The following PANX1 variants were observed in gnomAD, a reference collection of about 807,000 sequenced individuals.
PANX1 encodes the protein pannexin 1.
A neutral mutation model predicts 38.7 loss-of-function variants in PANX1; 30 were observed. The observed-to-expected ratio is 0.78, with a 90% confidence interval of 0.58 to 1.05. The LOEUF is 1.05. Ranked by LOEUF, PANX1 falls within the 50% of genes least tolerant of loss-of-function variation. The probability of loss-of-function intolerance (pLI) is 0.00; values close to 1 mark genes in which losing one functional copy is unlikely to be tolerated. For synonymous variants in PANX1, 230 were observed against 212.2 expected (o/e 1.08, Z -0.73); for missense variants, 551 against 517.2 (o/e 1.07, Z -0.63).
chr11:94,162,840 C>G (rs1341185201), intron 2 of PANX1, among the ~76,000 whole-genome samples: 1 of 150,280 alleles, frequency 6.7e-6, no homozygotes, highest in Non-Finnish European at 1.5e-5. Flanking sequence ...GGAGCTGTTC[C>G]TATTCGGCCA....
intron 2 of PANX1, among the ~76,000 whole-genome samples, chr11:94,164,020 C>T (rs756462103): frequency 1.3e-5 from 2 of 151,752 alleles, no homozygotes; most frequent in East Asian, 1.9e-4. Flanking sequence ...ATTGGCATAT[C>T]GTTGCTCATA....
intron 1 of PANX1, among the ~76,000 whole-genome samples, chr11:94,147,684 G>A (rs1591510664): frequency 6.6e-6 from 1 of 152,240 alleles, no homozygotes; most frequent in Non-Finnish European, 1.5e-5. Flanking sequence ...CCCTTCTGAG[G>A]CCCAGCAATG....
intron 2 of PANX1, among the ~76,000 whole-genome samples, chr11:94,164,718 A>AGCC (rs1008189401): frequency 6.6e-6 from 1 of 152,210 alleles, no homozygotes; most frequent in Non-Finnish European, 1.5e-5. Flanking sequence ...GTGTAGCTTG[A>AGCC]GCCTGATATT....
chr11:94,150,054 TG>T (rs60603089), intron 1 of PANX1, among the ~76,000 whole-genome samples: 58,686 of 151,878 alleles, frequency 0.39, 11,852 homozygotes, highest in African/African-American at 0.49. Context: ...GGGAAGTCAG[TG>T]GGGGAGGAAG....
chr11:94,131,844 T>G (rs1206635450), intron 1 of PANX1, among the ~76,000 whole-genome samples: 1 of 152,064 alleles, frequency 6.6e-6, no homozygotes, highest in African/African-American at 2.4e-5. Context: ...TAGTATGCAC[T>G]CAGCCAAAAA....
At chr11:94,151,972 C>G (rs1946887062) in intron 1 of PANX1, among the ~76,000 whole-genome samples, 1 of 152,172 alleles carries the variant, frequency 6.6e-6, no homozygotes, top group Admixed American at 6.5e-5. Flanking sequence ...AATATACTCT[C>G]CTGAAAACAT....
At chr11:94,158,355 T>G (rs1403145122) in intron 2 of PANX1, among the ~76,000 whole-genome samples, 3 of 152,100 alleles carry the variant, frequency 2.0e-5, no homozygotes, top group Non-Finnish European at 4.4e-5. Context: ...GCCATTTTCA[T>G]GATATTGATT....
chr11:94,178,764 C>T (rs1031287956), intron 3 of PANX1, among the ~76,000 whole-genome samples, 172 bp downstream of exon 3: 2 of 152,098 alleles, frequency 1.3e-5, no homozygotes, highest in Non-Finnish European at 2.9e-5. Flanking sequence ...TCCACTCTCC[C>T]CAAATCTCAC....
chr11:94,180,255 A>C lies in PANX1; in HGVS notation c.1199A>C (p.Gln400Pro). 1 of 1,596,648 alleles carries C rather than the reference A, an allele frequency of 6.3e-7. No homozygotes were observed. The highest frequency in any genetic ancestry group is 8.6e-7 in the Non-Finnish European group (1 of 1,168,614). Residue 400 changes from glutamine to proline, a missense_variant and splice_region_variant, in exon 4 of 5, where the codon CAA becomes CCA. By Grantham distance (76) the Gln-to-Pro change is moderately conservative. Transcript: ENST00000227638. ...CAGGGGAACCAGACGGCAGAGCTCCAAGGTAGGGTTTGCTTTTGGCAGAGG... is the reference window on the plus strand; with the variant it reads ...CAGGGGAACCAGACGGCAGAGCTCCCAGGTAGGGTTTGCTTTTGGCAGAGG... Reference protein sequence around the residue: ...EEQGNQTAELQGMNIDSETKA... With the variant: ...EEQGNQTAELPGMNIDSETKA...
intron 2 of PANX1, among the ~76,000 whole-genome samples, chr11:94,174,883 T>C (rs765232849): frequency 6.6e-6 from 1 of 151,770 alleles, no homozygotes; most frequent in Non-Finnish European, 1.5e-5. Flanking sequence ...AGGTTTCTGT[T>C]GTTTTAACTA....
At chr11:94,173,285 G>C (rs1488772424) in intron 2 of PANX1, among the ~76,000 whole-genome samples, 1 of 151,496 alleles carries the variant, frequency 6.6e-6, no homozygotes, top group Non-Finnish European at 1.5e-5. Context: ...GTGGTCTTCT[G>C]GTCTTCTCCT....
chr11:94,161,059 C>G (rs192854089), intron 2 of PANX1, among the ~76,000 whole-genome samples: 11 of 152,362 alleles, frequency 7.2e-5, no homozygotes, highest in African/African-American at 2.6e-4. Context: ...GGCCCCCACT[C>G]TCTTCTGGCT....
intron 2 of PANX1, among the ~76,000 whole-genome samples, chr11:94,175,055 A>G (rs1947216996): frequency 6.6e-6 from 1 of 151,712 alleles, no homozygotes; most frequent in African/African-American, 2.4e-5. Context: ...TGGCTTCAAG[A>G]GATGCTGAGC....
At chr11:94,155,750 G>A (rs964074909) in intron 2 of PANX1, among the ~76,000 whole-genome samples, 1 of 152,126 alleles carries the variant, frequency 6.6e-6, no homozygotes, top group African/African-American at 2.4e-5. Context: ...AATTCATGTT[G>A]TTCAAGCGTC....
At chr11:94,136,491 T>C (rs917040993) in intron 1 of PANX1, among the ~76,000 whole-genome samples, 2 of 152,224 alleles carry the variant, frequency 1.3e-5, no homozygotes, top group African/African-American at 2.4e-5. Context: ...TAAAACTTGA[T>C]ACATATCGGC....
At chr11:94,153,660 G>C in intron 2 of PANX1, 30 bp downstream of exon 2, 1 of 1,605,316 alleles carries the variant, frequency 6.2e-7, no homozygotes, top group Non-Finnish European at 8.5e-7. Flanking sequence ...AATAGAACCT[G>C]TTTGCTTTAT....
At chr11:94,142,816 C>T (rs1047263458) in intron 1 of PANX1, among the ~76,000 whole-genome samples, 7 of 152,206 alleles carry the variant, frequency 4.6e-5, no homozygotes, top group Non-Finnish European at 1.0e-4. Flanking sequence ...AGGGAGAATA[C>T]CTGTGCTCTG....
rs191341329 is a variant in PANX1, at chr11:94,162,683, C to T, written c.321+9053C>T. Among the ~76,000 whole-genome samples, 332 of 152,252 alleles carry T rather than the reference C, an allele frequency of 2.2e-3. 1 individual carries two copies. Among genetic ancestry groups the T allele is most frequent in the Non-Finnish European group, 3.2e-3 (221 of 68,012 alleles). On this transcript the variant is annotated intron_variant, in intron 2 of 4. Transcript: ENST00000227638. ...GCGCTTCCCGGGTGAGGTGATGCCT[C>T]GCCCTGCTTCGGCTCACGCTGGGTG...
At chr11:94,145,818 G>C (rs1946822922) in intron 1 of PANX1, among the ~76,000 whole-genome samples, 1 of 152,236 alleles carries the variant, frequency 6.6e-6, no homozygotes, top group East Asian at 1.9e-4. Flanking sequence ...TGGGAGCCAG[G>C]ATTCTCACTG....
Sources: gnomAD v4.1 joint callset for allele counts (sites outside exome capture counted in the v4.1 genomes callset) on GRCh38, gnomAD v4.1.1 for gene constraint, MANE v1.5 for transcripts, NCBI Gene and HGNC (gene_info 2026-07-23, HGNC 2026-07-21) for gene names.